Variants in ZAN observed in about 807,000 individuals in gnomAD.
The protein encoded by ZAN is zonadhesin (gene/pseudogene).
A neutral mutation model predicts 286.2 loss-of-function variants in ZAN; 260 were observed. The ratio of observed to expected loss-of-function variants is 0.91; its 90% CI spans 0.82 to 1.01. ZAN has a LOEUF of 1.01. Ranked by LOEUF, ZAN falls within the 50% of genes least tolerant of loss-of-function variation. The pLI is 0.00. For missense variants in ZAN, 3,410 were observed against 3,639.2 expected (o/e 0.94, Z 1.62); for synonymous variants, 1,368 against 1,417.5 (o/e 0.97, Z 0.79).
chr7:100,743,603 G>A (rs1228579253), intron 7 of ZAN, among the ~76,000 whole-genome samples: 1 of 152,094 alleles, frequency 6.6e-6, no homozygotes, highest in Non-Finnish European at 1.5e-5. Flanking sequence ...TAGGCCAGGT[G>A]CAGTAGCTCA....
At chr7:100,765,320 C>G in intron 22 of ZAN, 32 bp from the exon 23 acceptor site, 1 of 1,609,114 alleles carries the variant, frequency 6.2e-7, no homozygotes, top group Non-Finnish European at 8.5e-7. Context: ...GCTTGTTCGT[C>G]TCCTTCTCAC....
intron 7 of ZAN, among the ~76,000 whole-genome samples, chr7:100,740,288 TATTTATTTTTTTTTTTTTA>T (rs1807642327): frequency 1.6e-5 from 2 of 125,958 alleles, no homozygotes; most frequent in African/African-American, 6.4e-5. Context: ...TGATCTGACT[TATTTATTTTTTTTTTTTTA>T]ATTTATTTTT....
At chr7:100,765,323 C>T (rs778314004) in intron 22 of ZAN, 29 bp from the exon 23 acceptor site, 3 of 1,610,710 alleles carry the variant, frequency 1.9e-6, no homozygotes, top group South Asian at 1.1e-5. Flanking sequence ...TGTTCGTCTC[C>T]TTCTCACCCA....
chr7:100,743,780 C>T (rs895076591), intron 7 of ZAN, among the ~76,000 whole-genome samples: 7 of 151,460 alleles, frequency 4.6e-5, no homozygotes, highest in South Asian at 4.2e-4. Context: ...GGGAGGCTGA[C>T]GTGGGAGGAC....
At position 100,750,693 on chromosome 7, in the gene ZAN, C is replaced by T. The variant is rs769543736; in HGVS notation, c.1318C>T (p.Arg440Trp). 3.1e-5 allele frequency: 50 copies of T among 1,613,108 alleles called. No individual in the cohort carries two copies. Among genetic ancestry groups the T allele is most frequent in the African/African-American group, 5.3e-5 (4 of 74,914 alleles). Reference sequence around the variant, plus strand: ...AGGCCAGTCAGTCAGACTGGTGAGCCGGCCCTTCTGCGCCCCAGGTGACAT... The same window carrying T: ...AGGCCAGTCAGTCAGACTGGTGAGCTGGCCCTTCTGCGCCCCAGGTGACAT... Reference protein sequence around the residue: ...QAGQSVRLVSRPFCAPGDICV... With the variant: ...QAGQSVRLVSWPFCAPGDICV... The change falls in exon 12 of 48, where the codon CGG becomes TGG. Residue 440 changes from arginine (R) to tryptophan (W), a missense_variant. This residue lies in a region of ZAN where 872 missense variants were observed against 938.9 expected (regional missense o/e 0.93). Coordinates refer to ENST00000613979, the MANE Select transcript of ZAN (RefSeq NM_003386.3).
At chr7:100,757,292 A>T (rs1809214483) in intron 15 of ZAN, among the ~76,000 whole-genome samples, 1 of 151,976 alleles carries the variant, frequency 6.6e-6, no homozygotes, top group Non-Finnish European at 1.5e-5. Flanking sequence ...CACCCAGCCT[A>T]CTTAGTACTT....
intron 13 of ZAN, 144 bp downstream of exon 13, chr7:100,751,410 C>T (rs760617524): frequency 3.2e-6 from 2 of 622,932 alleles, no homozygotes; most frequent in Non-Finnish European, 5.2e-6. Context: ...CAACACACCT[C>T]TCCTTCCCCT....
At chr7:100,750,590 G>T (rs758369180) in intron 11 of ZAN, 35 bp from the exon 12 acceptor site, 1 of 1,608,338 alleles carries the variant, frequency 6.2e-7, no homozygotes, top group South Asian at 1.1e-5. Flanking sequence ...TCCTGTGCAG[G>T]CTTCTTACCT....
intron 42 of ZAN, among the ~76,000 whole-genome samples, chr7:100,793,244 T>C: frequency 6.8e-6 from 1 of 147,992 alleles, no homozygotes; most frequent in Non-Finnish European, 1.5e-5. Flanking sequence ...GAGGCTGAGG[T>C]GGGAGGATCA....
chr7:100,738,358 C>T (rs1396531780), intron 6 of ZAN, 103 bp from the exon 7 acceptor site: 2 of 1,137,202 alleles, frequency 1.8e-6, no homozygotes, highest in Admixed American at 4.4e-5. Context: ...TTCGAGGCCG[C>T]AGTGAGCTAT....
At chr7:100,760,065 T>A (rs1304729979) in intron 18 of ZAN, among the ~76,000 whole-genome samples, 2 of 151,982 alleles carry the variant, frequency 1.3e-5, no homozygotes, top group East Asian at 1.9e-4. Flanking sequence ...ATAGAAAAAA[T>A]TAGCCTGGTG....
chr7:100,783,064 T>C (rs907636310), intron 35 of ZAN, among the ~76,000 whole-genome samples: 5 of 151,982 alleles, frequency 3.3e-5, no homozygotes, highest in Admixed American at 6.6e-5. Flanking sequence ...GGTCAGGAGT[T>C]TGAGACCAGC....
chr7:100,775,267 C>G, intron 31 of ZAN, 61 bp from the exon 32 acceptor site: 4 of 1,567,724 alleles, frequency 2.6e-6, no homozygotes, highest in Non-Finnish European at 3.5e-6. Context: ...GGACTAGTTT[C>G]CCAGGGACCC....
At chr7:100,785,373 G>A (rs1006623688) in intron 36 of ZAN, among the ~76,000 whole-genome samples, 12 of 149,650 alleles carry the variant, frequency 8.0e-5, no homozygotes, top group Admixed American at 2.0e-4. Flanking sequence ...TGGGATTACA[G>A]GCAAGCGCCA....
intron 22 of ZAN, among the ~76,000 whole-genome samples, chr7:100,764,739 G>T (rs1809835204): frequency 1.3e-5 from 2 of 150,602 alleles, no homozygotes; most frequent in African/African-American, 4.9e-5. Context: ...TTAGCTGTGT[G>T]TGGCAACGGG....
chr7:100,735,801 T>C (rs769336767), intron 3 of ZAN, 29 bp downstream of exon 3: 1 of 1,443,736 alleles, frequency 6.9e-7, no homozygotes, highest in Admixed American at 2.0e-5. Flanking sequence ...GTGCTAAGAT[T>C]TCTCCTCCCT....
intron 7 of ZAN, among the ~76,000 whole-genome samples, chr7:100,744,957 C>T (rs1052755071): frequency 6.6e-6 from 1 of 151,134 alleles, no homozygotes; most frequent in African/African-American, 2.4e-5. Flanking sequence ...GATCTCAGCT[C>T]ACTGCAACCT....
At chr7:100,751,428 A>C (rs1426059990) in intron 13 of ZAN, among the ~76,000 whole-genome samples, 162 bp downstream of exon 13, 1 of 152,112 alleles carries the variant, frequency 6.6e-6, no homozygotes. Context: ...CCTGCACTTC[A>C]AGATGTTTGC....
chr7:100,765,666 T>A (rs748096424), intron 23 of ZAN, 112 bp downstream of exon 23: 27 of 1,355,540 alleles, frequency 2.0e-5, no homozygotes, highest in Non-Finnish European at 2.7e-5. Flanking sequence ...TGTTTTGTTT[T>A]TGAGACGGAG....
Sources: allele counts gnomAD v4.1 joint callset (sites outside exome capture counted in the v4.1 genomes callset), GRCh38; gene constraint gnomAD v4.1.1; regional missense constraint gnomAD v4.1.1; transcripts MANE v1.5; gene names NCBI Gene and HGNC (gene_info 2026-07-23, HGNC 2026-07-21).